The following ADAM23 variants were observed in gnomAD, a reference collection of about 807,000 sequenced individuals.
The protein encoded by ADAM23 is disintegrin and metalloproteinase domain-containing protein 23.
In ADAM23, 33 loss-of-function variants were observed where a neutral mutation model predicts 120.1. That is an observed-to-expected ratio of 0.27 (90% CI 0.21 to 0.37). The LOEUF (loss-of-function observed/expected upper bound fraction) is 0.37. ADAM23 is among the 10% of genes least tolerant of loss of function. The pLI is 1.00. For missense variants in ADAM23, 862 were observed against 1,058.2 expected (o/e 0.81, Z 2.57); for synonymous variants, 367 against 375.2 (o/e 0.98, Z 0.25).
At chr2:206,545,379 G>A (rs1697375771) in intron 6 of ADAM23, among the ~76,000 whole-genome samples, 1 of 152,106 alleles carries the variant, frequency 6.6e-6, no homozygotes, top group Admixed American at 6.5e-5. Context: ...CCAGCTAGTG[G>A]GGAGGCTGAG....
At chr2:206,560,231 G>A (rs866980304) in intron 11 of ADAM23, 113 bp downstream of exon 11, 1 of 1,150,020 alleles carries the variant, frequency 8.7e-7, no homozygotes, top group Admixed American at 2.6e-5. Context: ...CAAGATTTCT[G>A]TGGGTTCCTT....
intron 3 of ADAM23, among the ~76,000 whole-genome samples, chr2:206,499,002 G>A (rs1243481725): frequency 1.3e-5 from 2 of 152,148 alleles, no homozygotes; most frequent in East Asian, 3.9e-4. Flanking sequence ...AACAACAGGT[G>A]CTGGAGAGGA....
At chr2:206,523,284 A>T (rs1696880746) in intron 3 of ADAM23, among the ~76,000 whole-genome samples, 1 of 126,594 alleles carries the variant, frequency 7.9e-6, no homozygotes, top group Non-Finnish European at 1.6e-5. Flanking sequence ...GGTTTAGGAG[A>T]TCATTAAATT....
At chr2:206,549,080 A>G (rs561867319) in intron 8 of ADAM23, among the ~76,000 whole-genome samples, 1 of 152,184 alleles carries the variant, frequency 6.6e-6, no homozygotes, top group South Asian at 2.1e-4. Context: ...CACAGCTTAT[A>G]CATTACATGG....
At chr2:206,562,848 C>T (rs577161250) in intron 13 of ADAM23, among the ~76,000 whole-genome samples, 5 of 152,170 alleles carry the variant, frequency 3.3e-5, no homozygotes, top group East Asian at 3.9e-4. Flanking sequence ...CCAGGCAGGT[C>T]CAAAAAGGAG....
chr2:206,521,016 C>G (rs1039144276), intron 3 of ADAM23, among the ~76,000 whole-genome samples: 1 of 152,024 alleles, frequency 6.6e-6, no homozygotes, highest in African/African-American at 2.4e-5. Flanking sequence ...TCTTCTCTTT[C>G]CTGCCCATAT....
In ADAM23 at chr2:206,618,958, A is replaced by T. The variant is rs539154813; in HGVS notation, c.*1331A>T. On this transcript the variant is annotated 3_prime_UTR_variant, in exon 26 of 26. Transcript: ENST00000264377. ...TAAACTTAAAGCCTTAAATAAAAAA[A>T]TTTTTTTAAATGTTAAAAGCTTGGA... 1.7e-3 allele frequency: 258 copies of T among 152,258 alleles called. No individual in the cohort carries two copies. The highest frequency in any genetic ancestry group is 5.8e-3 in the African/African-American group (241 of 41,532). The allele number at this position is 152,258 out of a possible 1,614,324, so 9.4% of individuals were successfully genotyped here.
intron 4 of ADAM23, among the ~76,000 whole-genome samples, chr2:206,538,155 T>C (rs1297921152): frequency 6.6e-6 from 1 of 152,210 alleles, no homozygotes; most frequent in Non-Finnish European, 1.5e-5. Context: ...TCTAATACTT[T>C]ATTAAACTAC....
At chr2:206,598,444 G>A (rs185877910) in intron 24 of ADAM23, among the ~76,000 whole-genome samples, 1 of 152,216 alleles carries the variant, frequency 6.6e-6, no homozygotes, top group Admixed American at 6.5e-5. Flanking sequence ...AGTACTCACA[G>A]CTGCCTTTTG....
chr2:206,614,916 A>G (rs756327406), intron 25 of ADAM23, among the ~76,000 whole-genome samples: 3 of 152,064 alleles, frequency 2.0e-5, no homozygotes, highest in South Asian at 4.1e-4. Flanking sequence ...TGGGTTAGGC[A>G]CTTTCTCTTT....
rs776838784 is a variant in ADAM23, at chr2:206,589,398, A to G, written c.1853-11A>G. ...GAAAATTAATTTTCTTCTCTTGCCT[A>G]TCTCCAAAAGAGGCTGCAGGGTCTG... On this transcript the variant is annotated splice_polypyrimidine_tract_variant and intron_variant, in intron 20 of 25. Coordinates refer to ENST00000264377, the MANE Select transcript of ADAM23 (RefSeq NM_003812.4). 6.8e-6 allele frequency: 11 copies of G among 1,610,370 alleles called. No individual in the cohort carries two copies. Among genetic ancestry groups the G allele is most frequent in the African/African-American group, 1.3e-5 (1 of 74,784 alleles).
chr2:206,581,085 T>A (rs1559275202), intron 18 of ADAM23, among the ~76,000 whole-genome samples: 1 of 152,188 alleles, frequency 6.6e-6, no homozygotes, highest in Non-Finnish European at 1.5e-5. Flanking sequence ...TTAGTGAGGT[T>A]TTTTTGGATT....
At chr2:206,553,533 A>G (rs1323149764) in intron 9 of ADAM23, among the ~76,000 whole-genome samples, 2 of 152,244 alleles carry the variant, frequency 1.3e-5, no homozygotes, top group Non-Finnish European at 2.9e-5. Context: ...TTCTTGGCTA[A>G]TAGAACTAAA....
At chr2:206,496,766 A>C (rs1009571926) in intron 3 of ADAM23, among the ~76,000 whole-genome samples, 2 of 152,144 alleles carry the variant, frequency 1.3e-5, no homozygotes, top group Non-Finnish European at 2.9e-5. Context: ...AAGACTAATA[A>C]AGAAGAAAAG....
intron 2 of ADAM23, among the ~76,000 whole-genome samples, chr2:206,473,330 T>G (rs1695699304): frequency 6.6e-6 from 1 of 152,204 alleles, no homozygotes. Context: ...TAAGCCATTC[T>G]CAGCTCTCTC....
chr2:206,562,308 C>T lies in ADAM23; in HGVS notation c.1345+15C>T. The T allele has an allele frequency of 6.2e-7, 1 of 1,601,004 alleles. No individual in the cohort carries two copies. Among genetic ancestry groups the T allele is most frequent in the South Asian group, 1.1e-5 (1 of 90,504 alleles). ...CAGAAAGCCAAGTATGTACACTGACCTTCTTACTCATTTTCATGTGCCATT... is the reference window on the plus strand; with the variant it reads ...CAGAAAGCCAAGTATGTACACTGACTTTCTTACTCATTTTCATGTGCCATT... On this transcript the variant is annotated intron_variant, in intron 13 of 25. Coordinates refer to ENST00000264377, the MANE Select transcript of ADAM23 (RefSeq NM_003812.4).
At chr2:206,499,617 T>C (rs1454975055) in intron 3 of ADAM23, among the ~76,000 whole-genome samples, 3 of 151,964 alleles carry the variant, frequency 2.0e-5, no homozygotes, top group Non-Finnish European at 4.4e-5. Flanking sequence ...TGTGCACATG[T>C]ACCCTAAAAC....
Position 206,618,251 on chromosome 2 carries a change from A to AC in ADAM23, c.*630dup, listed in dbSNP as rs1698973129. 5 of 150,678 alleles carry AC rather than the reference A, an allele frequency of 3.3e-5. 1 individual carries two copies. The highest frequency in any genetic ancestry group is 9.8e-5 in the African/African-American group (4 of 41,022). 9.3% of individuals were successfully genotyped at this position (150,678 alleles called of 1,614,324 possible). The stretch of plus-strand genomic sequence containing the variant: ...CCATCCTCTCGGAGCCCCACTTCTT[A>AC]CCCCCCACCTCCCACCCTCTATAAT... On this transcript the variant is annotated 3_prime_UTR_variant, in exon 26 of 26. Coordinates refer to ENST00000264377, the MANE Select transcript of ADAM23 (RefSeq NM_003812.4).
At chr2:206,611,798 A>G (rs899519920) in intron 25 of ADAM23, among the ~76,000 whole-genome samples, 1 of 152,226 alleles carries the variant, frequency 6.6e-6, no homozygotes. Flanking sequence ...CACTGTGTAT[A>G]TAAGTGGATT....
Sources: allele counts gnomAD v4.1 joint callset (sites outside exome capture counted in the v4.1 genomes callset), GRCh38; gene constraint gnomAD v4.1.1; transcripts MANE v1.5; gene names NCBI Gene and HGNC (gene_info 2026-07-23, HGNC 2026-07-21).